The following SLC9A9 variants were observed in gnomAD, a reference collection of about 807,000 sequenced individuals.
The protein encoded by SLC9A9 is sodium/hydrogen exchanger 9.
Under a neutral mutation model 77.8 loss-of-function variants are expected in SLC9A9, and 62 were observed. That is an observed-to-expected ratio of 0.80 (90% CI 0.65 to 0.98). The LOEUF (loss-of-function observed/expected upper bound fraction) is 0.98, where lower values mean the gene tolerates loss of function less well. Ranked by LOEUF, SLC9A9 falls within the 50% of genes least tolerant of loss-of-function variation. SLC9A9 has a pLI of 0.00. For synonymous variants in SLC9A9, 320 were observed against 283.5 expected, an observed-to-expected ratio of 1.13 and a Z score of -1.29; for missense variants, 775 against 774.9, an observed-to-expected ratio of 1.00 and a Z score of 0.00.
intron 4 of SLC9A9, among the ~76,000 whole-genome samples, chr3:143,746,670 CT>C (rs905307586): frequency 6.6e-6 from 1 of 151,424 alleles, no homozygotes; most frequent in Non-Finnish European, 1.5e-5. Flanking sequence ...ATACATTTAC[CT>C]TTTTTTTTAA....
intron 12 of SLC9A9, among the ~76,000 whole-genome samples, chr3:143,438,408 C>T (rs1417826823): frequency 6.6e-6 from 1 of 151,904 alleles, no homozygotes; most frequent in Non-Finnish European, 1.5e-5. Context: ...CAGGTTCCAT[C>T]AAGGATCTCC....
intron 4 of SLC9A9, among the ~76,000 whole-genome samples, chr3:143,789,593 C>A (rs2008158343): frequency 6.6e-6 from 1 of 152,120 alleles, no homozygotes; most frequent in Non-Finnish European, 1.5e-5. Context: ...TAAATGTGTC[C>A]TGTCATCCAG....
At chr3:143,274,621 C>T (rs1937992749) in intron 14 of SLC9A9, among the ~76,000 whole-genome samples, 1 of 152,282 alleles carries the variant, frequency 6.6e-6, no homozygotes, top group African/African-American at 2.4e-5. Context: ...TTGGTGTGAA[C>T]TGGCTTCACC....
At chr3:143,495,516 A>G in intron 9 of SLC9A9, 68 bp from the exon 10 acceptor site, 1 of 1,202,508 alleles carries the variant, frequency 8.3e-7, no homozygotes, top group Non-Finnish European at 1.2e-6. Flanking sequence ...ACTTTCTGGT[A>G]ACTGTATTTG....
intron 9 of SLC9A9, chr3:143,504,094 A>C: frequency 2.0e-6 from 1 of 501,542 alleles, no homozygotes; most frequent in South Asian, 1.5e-5. Flanking sequence ...CTCAGCCTTG[A>C]TGGTACTGTG....
intron 4 of SLC9A9, among the ~76,000 whole-genome samples, chr3:143,775,144 A>G (rs187586666): frequency 3.3e-5 from 5 of 152,338 alleles, no homozygotes; most frequent in African/African-American, 9.6e-5. Flanking sequence ...TGAATATGCA[A>G]GTATCAGTAG....
intron 14 of SLC9A9, among the ~76,000 whole-genome samples, chr3:143,335,207 A>T (rs2031887880): frequency 6.6e-6 from 1 of 152,220 alleles, no homozygotes; most frequent in Non-Finnish European, 1.5e-5. Flanking sequence ...ATAGCATCAT[A>T]AAGAATCAAA....
intron 14 of SLC9A9, among the ~76,000 whole-genome samples, chr3:143,317,862 A>G (rs182521949): frequency 8.6e-4 from 130 of 151,306 alleles, no homozygotes; most frequent in East Asian, 2.9e-3. Flanking sequence ...CGAGTAGCTG[A>G]GACTACAGGC....
intron 13 of SLC9A9, among the ~76,000 whole-genome samples, chr3:143,368,844 G>C (rs1024812576): frequency 1.3e-4 from 20 of 152,138 alleles, no homozygotes; most frequent in Admixed American, 1.3e-4. Flanking sequence ...GTTCTGAAGA[G>C]GGAACACAGT....
intron 2 of SLC9A9, among the ~76,000 whole-genome samples, chr3:143,831,561 A>G (rs1476274167): frequency 2.0e-5 from 3 of 152,160 alleles, no homozygotes; most frequent in Non-Finnish European, 4.4e-5. Flanking sequence ...TTGGTAGCCA[A>G]AAGCCAGTCA....
intron 8 of SLC9A9, among the ~76,000 whole-genome samples, chr3:143,566,444 T>A (rs1270161878): frequency 2.0e-5 from 3 of 152,146 alleles, no homozygotes; most frequent in African/African-American, 7.2e-5. Context: ...GGCCAGAGTG[T>A]TACTTGTTTT....
intron 12 of SLC9A9, among the ~76,000 whole-genome samples, chr3:143,429,458 C>A (rs2034469651): frequency 6.6e-6 from 1 of 152,168 alleles, no homozygotes; most frequent in Admixed American, 6.5e-5. Context: ...GAAGGTAGAA[C>A]AGATAAAAGG....
chr3:143,508,541 G>A (rs561906251), intron 9 of SLC9A9, among the ~76,000 whole-genome samples: 1 of 152,238 alleles, frequency 6.6e-6, no homozygotes, highest in African/African-American at 2.4e-5. Flanking sequence ...TTTATGTTAT[G>A]TTATTCTCAA....
intron 4 of SLC9A9, among the ~76,000 whole-genome samples, chr3:143,740,718 A>G (rs1240028257): frequency 1.3e-5 from 2 of 152,210 alleles, no homozygotes; most frequent in Non-Finnish European, 2.9e-5. Flanking sequence ...TGTATAAAAC[A>G]CCTCATTAAA....
intron 6 of SLC9A9, among the ~76,000 whole-genome samples, chr3:143,624,645 C>T (rs564959750): frequency 2.0e-5 from 3 of 152,202 alleles, no homozygotes; most frequent in South Asian, 2.1e-4. Flanking sequence ...TATGACAAAC[C>T]CACAGCCAAT....
At chr3:143,349,597 T>A (rs540741970) in intron 14 of SLC9A9, among the ~76,000 whole-genome samples, 122 of 152,288 alleles carry the variant, frequency 8.0e-4, no homozygotes, top group Middle Eastern at 6.8e-3. Flanking sequence ...GAAATCAAGG[T>A]TCAGAGAGTT....
chr3:143,814,977 A>G (rs565548852), intron 2 of SLC9A9, among the ~76,000 whole-genome samples: 2 of 143,286 alleles, frequency 1.4e-5, no homozygotes, highest in Admixed American at 1.4e-4. Context: ...TTTTTCAGGA[A>G]TCTGATAAAT....
intron 8 of SLC9A9, among the ~76,000 whole-genome samples, chr3:143,553,039 G>A (rs1335695093): frequency 6.6e-6 from 1 of 152,152 alleles, no homozygotes; most frequent in Non-Finnish European, 1.5e-5. Flanking sequence ...GAAAGGCTGG[G>A]TGCTCTGTCC....
At chr3:143,578,526 T>C in intron 7 of SLC9A9, 59 bp downstream of exon 7, 11 of 1,612,282 alleles carry the variant, frequency 6.8e-6, no homozygotes, top group Non-Finnish European at 9.3e-6. Context: ...ATCAGAAATA[T>C]TCCATGGATA....
Sources: gnomAD v4.1 joint callset for allele counts (sites outside exome capture counted in the v4.1 genomes callset) on GRCh38, gnomAD v4.1.1 for gene constraint, MANE v1.5 for transcripts, NCBI Gene and HGNC (gene_info 2026-07-23, HGNC 2026-07-21) for gene names.